The following FRYL variants were observed in gnomAD, a reference collection of about 807,000 sequenced individuals.
FRYL encodes the protein FRY like transcription coactivator, also known as protein furry homolog-like.
A neutral mutation model predicts 351.2 loss-of-function variants in FRYL; 150 were observed. That is an observed-to-expected ratio of 0.43 (90% CI 0.37 to 0.49). The LOEUF (loss-of-function observed/expected upper bound fraction) is 0.49. FRYL is among the 20% of genes least tolerant of loss of function. The pLI is 0.00. For synonymous variants in FRYL, 1,153 were observed against 1,257.1 expected (o/e 0.92, Z 1.75); for missense variants, 3,036 against 3,619.3 (o/e 0.84, Z 4.13).
At chr4:48,764,679 G>C (rs529225578) in intron 1 of FRYL, among the ~76,000 whole-genome samples, 1 of 152,322 alleles carries the variant, frequency 6.6e-6, no homozygotes, top group Admixed American at 6.5e-5. Context: ...GGATAGAGCT[G>C]TATGTGAAAG....
At chr4:48,744,033 C>T (rs2149652897) in intron 1 of FRYL, among the ~76,000 whole-genome samples, 1 of 152,284 alleles carries the variant, frequency 6.6e-6, no homozygotes, top group South Asian at 2.1e-4. Flanking sequence ...AGAACCCTAA[C>T]ACAACCTATG....
intron 49 of FRYL, among the ~76,000 whole-genome samples, chr4:48,533,185 T>C (rs1728073215): frequency 6.6e-6 from 1 of 152,082 alleles, no homozygotes; most frequent in Admixed American, 6.6e-5. Flanking sequence ...GTTCTGAACA[T>C]AAGAAATGTA....
At chr4:48,673,564 C>CT (rs768344666) in intron 3 of FRYL, among the ~76,000 whole-genome samples, 2 of 151,596 alleles carry the variant, frequency 1.3e-5, no homozygotes, top group East Asian at 3.9e-4. Flanking sequence ...ACACACTAGT[C>CT]TTTTAAAAAA....
At chr4:48,601,945 G>A in intron 13 of FRYL, 75 bp downstream of exon 13, 1 of 813,880 alleles carries the variant, frequency 1.2e-6, no homozygotes, top group African/African-American at 1.7e-5. Context: ...GTTTCATTAT[G>A]CACTGTTCAA....
chr4:48,564,094 C>A lies in FRYL; in HGVS notation c.3450G>T (p.Gln1150His), dbSNP rs759336123. The A allele has an allele frequency of 3.7e-6, 6 of 1,613,336 alleles. No homozygotes were observed. The African/African-American group carries it at 8.0e-5, about 22-fold the overall frequency. The part of the protein sequence containing the change: ...ILDSLDKKVH[Q>H]LGCEAVTLLL... ...ACAACGTAACTGCTTCACAGCCCAG[C>A]TGGTGAACCTAGGTAAAGGTTGTGA... is the stretch of plus-strand genomic sequence containing the variant. Residue 1150 changes from glutamine to histidine, a missense_variant, in exon 31 of 64, where the codon CAG becomes CAT. Coordinates refer to ENST00000358350, the MANE Select transcript of FRYL (RefSeq NM_015030.2).
At chr4:48,746,440 G>A (rs1373870464) in intron 1 of FRYL, among the ~76,000 whole-genome samples, 1 of 151,786 alleles carries the variant, frequency 6.6e-6, no homozygotes, top group Non-Finnish European at 1.5e-5. Flanking sequence ...AGCTACTCAG[G>A]AGGCTGAGGC....
chr4:48,705,712 A>G (rs1226785145), intron 2 of FRYL, among the ~76,000 whole-genome samples: 1 of 152,232 alleles, frequency 6.6e-6, no homozygotes, highest in African/African-American at 2.4e-5. Context: ...ACTTAATTGT[A>G]TATCCAGTTG....
chr4:48,736,556 A>C (rs1246123882), intron 1 of FRYL, among the ~76,000 whole-genome samples: 4 of 152,116 alleles, frequency 2.6e-5, no homozygotes, highest in Non-Finnish European at 5.9e-5. Context: ...TAATAAAGAA[A>C]TACTATAAAC....
chr4:48,521,818 TG>T (rs1039298260), intron 54 of FRYL, among the ~76,000 whole-genome samples: 2 of 152,052 alleles, frequency 1.3e-5, no homozygotes, highest in African/African-American at 4.8e-5. Flanking sequence ...GGGCAGTTAG[TG>T]GAAAGACAAA....
At chr4:48,514,156 TGTAAAA>T (rs1367094901) in intron 56 of FRYL, among the ~76,000 whole-genome samples, 5 of 152,186 alleles carry the variant, frequency 3.3e-5, no homozygotes, top group Admixed American at 6.5e-5. Context: ...TAATTTTTAT[TGTAAAA>T]GTAAAATTCT....
At chr4:48,656,157 TA>T (rs1296460787) in intron 3 of FRYL, among the ~76,000 whole-genome samples, 1 of 135,000 alleles carries the variant, frequency 7.4e-6, no homozygotes, top group African/African-American at 2.7e-5. Flanking sequence ...AAAACGTATA[TA>T]ATTATACATT....
intron 1 of FRYL, among the ~76,000 whole-genome samples, chr4:48,712,987 T>A (rs1768280895): frequency 6.6e-6 from 1 of 151,960 alleles, no homozygotes; most frequent in Non-Finnish European, 1.5e-5. Flanking sequence ...CTAAGCTTCA[T>A]AAGTGAAGGA....
intron 43 of FRYL, among the ~76,000 whole-genome samples, chr4:48,544,203 G>T (rs1730849240): frequency 6.6e-6 from 1 of 152,118 alleles, no homozygotes; most frequent in South Asian, 2.1e-4. Flanking sequence ...TCAGACCAGG[G>T]TTTCTCAACC....
intron 1 of FRYL, among the ~76,000 whole-genome samples, chr4:48,779,005 A>AC (rs58263995): frequency 0.97 from 146,913 of 151,322 alleles, 71,466 homozygotes; most frequent in East Asian, 1. Context: ...CCTAACCCCC[A>AC]CCCCCTTTTT....
chr4:48,712,545 C>T (rs1768213615), intron 1 of FRYL, among the ~76,000 whole-genome samples: 1 of 152,256 alleles, frequency 6.6e-6, no homozygotes, highest in South Asian at 2.1e-4. Flanking sequence ...ATGAACAAAG[C>T]CTCCAAGAAA....
chr4:48,725,839 A>G (rs1264454469), intron 1 of FRYL, among the ~76,000 whole-genome samples: 1 of 152,144 alleles, frequency 6.6e-6, no homozygotes, highest in Middle Eastern at 3.2e-3. Flanking sequence ...ACTGCGCCTT[A>G]TTTAGGAATT....
chr4:48,672,341 A>G (rs1204414455), intron 3 of FRYL, among the ~76,000 whole-genome samples: 2 of 152,194 alleles, frequency 1.3e-5, no homozygotes, highest in Non-Finnish European at 2.9e-5. Context: ...GGTATTCCCA[A>G]TATTCCTCCT....
chr4:48,501,917 ATAT>A (rs1719772794), intron 61 of FRYL, among the ~76,000 whole-genome samples, 184 bp from the exon 62 acceptor site: 1 of 152,252 alleles, frequency 6.6e-6, no homozygotes, highest in African/African-American at 2.4e-5. Flanking sequence ...ATAAAAACAA[ATAT>A]CACTGCTGGT....
intron 16 of FRYL, among the ~76,000 whole-genome samples, chr4:48,593,103 C>T (rs1436605190): frequency 6.6e-6 from 1 of 151,936 alleles, no homozygotes; most frequent in Non-Finnish European, 1.5e-5. Context: ...ATAACATTCA[C>T]TTTTTTAATG....
Sources: allele counts gnomAD v4.1 joint callset (sites outside exome capture counted in the v4.1 genomes callset), GRCh38; gene constraint gnomAD v4.1.1; transcripts MANE v1.5; gene names NCBI Gene and HGNC (gene_info 2026-07-23, HGNC 2026-07-21).